P3H2: variants seen among roughly 807,000 people sequenced by gnomAD.
P3H2 encodes leprecan-like 1.
A neutral mutation model predicts 87.0 loss-of-function variants in P3H2; 80 were observed. The ratio of observed to expected loss-of-function variants is 0.92; its 90% CI spans 0.77 to 1.11. The LOEUF (loss-of-function observed/expected upper bound fraction) is 1.11, where lower values mean the gene tolerates loss of function less well. Ranked by LOEUF, P3H2 falls within the 50% of genes least tolerant of loss-of-function variation. The pLI, the probability that P3H2 is intolerant of heterozygous loss-of-function variation, is 0.00. For synonymous variants in P3H2, 367 were observed against 359.3 expected (o/e 1.02, Z -0.24); for missense variants, 1,001 against 923.9 (o/e 1.08, Z -1.08).
intron 14 of P3H2, among the ~76,000 whole-genome samples, chr3:189,961,861 C>T (rs1722825068): frequency 1.3e-5 from 2 of 152,098 alleles, no homozygotes; most frequent in African/African-American, 4.8e-5. Context: ...TTTGAGAGAA[C>T]AATACCTTGG....
intron 1 of P3H2, among the ~76,000 whole-genome samples, chr3:190,034,152 T>C (rs572279109): frequency 1.1e-4 from 17 of 152,328 alleles, no homozygotes; most frequent in African/African-American, 3.1e-4. Context: ...AAAATGTGCA[T>C]AGACCTCTTT....
chr3:190,051,097 T>G (rs982586298), intron 1 of P3H2, among the ~76,000 whole-genome samples: 1 of 152,194 alleles, frequency 6.6e-6, no homozygotes, highest in Non-Finnish European at 1.5e-5. Flanking sequence ...CATCAATAAC[T>G]GTATCATCAT....
chr3:190,025,070 T>G (rs1274998582), intron 1 of P3H2, among the ~76,000 whole-genome samples: 1 of 152,220 alleles, frequency 6.6e-6, no homozygotes. Flanking sequence ...TGCTGTCATA[T>G]TTAGCTCTTA....
chr3:190,109,305 G>C (rs66501918), intron 1 of P3H2, among the ~76,000 whole-genome samples: 18,853 of 151,696 alleles, frequency 0.12, 1,293 homozygotes, highest in Middle Eastern at 0.21. Context: ...CTTTCTTTCT[G>C]TCTCTAATAT....
At chr3:190,076,154 GAAA>G (rs5855302) in intron 1 of P3H2, among the ~76,000 whole-genome samples, 7 of 142,032 alleles carry the variant, frequency 4.9e-5, no homozygotes, top group African/African-American at 1.8e-4. Context: ...ATTAAGATAT[GAAA>G]AAAAAAAACC....
At chr3:189,960,510 G>T (rs1441946461) in intron 14 of P3H2, among the ~76,000 whole-genome samples, 3 of 152,150 alleles carry the variant, frequency 2.0e-5, no homozygotes, top group African/African-American at 7.2e-5. Context: ...TCTCCCTAAA[G>T]AAATTGATCT....
At chr3:190,066,158 T>TATATATATATATATATACACACACAC (rs1256956930) in intron 1 of P3H2, among the ~76,000 whole-genome samples, 4,043 of 133,152 alleles carry the variant, frequency 0.03, 108 homozygotes, top group Non-Finnish European at 0.048. Context: ...TATATATATA[T>TATATATATATATATATACACACACAC]ACACACACAC....
chr3:189,974,292 C>T, intron 9 of P3H2: 1 of 595,492 alleles, frequency 1.7e-6, no homozygotes, highest in South Asian at 2.1e-5. Context: ...ATTTCTCCAG[C>T]AACTTTATAT....
intron 13 of P3H2, among the ~76,000 whole-genome samples, chr3:189,964,637 A>G (rs534188731): frequency 2.0e-5 from 3 of 152,404 alleles, no homozygotes; most frequent in South Asian, 4.1e-4. Flanking sequence ...TTTAAAAGTC[A>G]TAATTCTGTA....
At chr3:190,047,892 T>C (rs756440977) in intron 1 of P3H2, among the ~76,000 whole-genome samples, 1 of 152,192 alleles carries the variant, frequency 6.6e-6, no homozygotes, top group Non-Finnish European at 1.5e-5. Context: ...CAGTTAACAA[T>C]AATTTATAAT....
intron 1 of P3H2, among the ~76,000 whole-genome samples, chr3:190,036,390 G>A (rs1725426346): frequency 1.3e-5 from 2 of 152,076 alleles, no homozygotes; most frequent in African/African-American, 2.4e-5. Context: ...AAGTCCAAGG[G>A]AGTGATCAAA....
In P3H2 at chr3:189,957,982, A is replaced by C; in HGVS notation, c.2057T>G (p.Val686Gly). 1.2e-6 allele frequency: 2 copies of C among 1,613,632 alleles called. No individual in the cohort carries two copies. The highest frequency in any genetic ancestry group is 2.2e-5 in the South Asian group (2 of 91,076). Reference protein sequence around the residue: ...RELERIQADEVIAILDQEQQG... With the variant: ...RELERIQADEGIAILDQEQQG... ...CTGTTCTTGATCCAGAATTGCAATCACTTCATCAGCCTGTATTCGCTCCTG... is the reference window on the plus strand; with the variant it reads ...CTGTTCTTGATCCAGAATTGCAATCCCTTCATCAGCCTGTATTCGCTCCTG... The change falls in exon 15 of 15, where the codon GTG becomes GGG. Residue 686 changes from valine (V) to glycine (G), a missense_variant. Coordinates refer to ENST00000319332, the MANE Select transcript of P3H2 (RefSeq NM_018192.4).
Position 189,957,859 on chromosome 3 carries a change from C to G in P3H2, c.*53G>C. 1 of 1,256,886 alleles carries G rather than the reference C, an allele frequency of 8.0e-7. No homozygotes were observed. The highest frequency in any genetic ancestry group is 1.2e-6 in the Non-Finnish European group (1 of 860,204). The allele number at this position is 1,256,886 out of a possible 1,614,324, so 77.9% of individuals were successfully genotyped here. On this transcript the variant is annotated 3_prime_UTR_variant, in exon 15 of 15. Coordinates refer to ENST00000319332, the MANE Select transcript of P3H2 (RefSeq NM_018192.4). ...GGCTCTGTACAAAAATAAAAAGGTT[C>G]TCATAAGATTAACAATTTAAATAAA...
intron 1 of P3H2, among the ~76,000 whole-genome samples, chr3:190,041,146 C>G (rs1725619381): frequency 7.2e-6 from 1 of 139,790 alleles, no homozygotes; most frequent in African/African-American, 2.6e-5. Flanking sequence ...GTGGTGCACA[C>G]CTGTAGCCCC....
At chr3:190,114,075 G>C (rs1336763184) in intron 1 of P3H2, among the ~76,000 whole-genome samples, 1 of 77,814 alleles carries the variant, frequency 1.3e-5, no homozygotes, top group Non-Finnish European at 2.3e-5. Flanking sequence ...GTGAGACTCC[G>C]TCTCAAAAAA....
chr3:190,092,947 C>T (rs1019124877), intron 1 of P3H2, among the ~76,000 whole-genome samples: 4 of 152,094 alleles, frequency 2.6e-5, no homozygotes, highest in African/African-American at 9.7e-5. Flanking sequence ...AAAAATGATA[C>T]AAACACCTAT....
chr3:189,965,857 G>A (rs1379018214), intron 13 of P3H2, among the ~76,000 whole-genome samples: 3 of 151,586 alleles, frequency 2.0e-5, no homozygotes, highest in Non-Finnish European at 4.4e-5. Context: ...GTGTTGGTGG[G>A]TGCCTGTGAT....
chr3:189,994,663 TG>T (rs113101739), intron 2 of P3H2, among the ~76,000 whole-genome samples: 1,667 of 68,148 alleles, frequency 0.024, 31 homozygotes, highest in African/African-American at 0.06. Flanking sequence ...CTGTGTTTTT[TG>T]TTTTTTTTTT....
At chr3:190,006,146 CTACT>C (rs1402301183) in intron 1 of P3H2, among the ~76,000 whole-genome samples, 1 of 152,166 alleles carries the variant, frequency 6.6e-6, no homozygotes, top group African/African-American at 2.4e-5. Context: ...TGGGAGAGAT[CTACT>C]TACTGACTAA....
Sources: allele counts gnomAD v4.1 joint callset (sites outside exome capture counted in the v4.1 genomes callset), GRCh38; gene constraint gnomAD v4.1.1; transcripts MANE v1.5; gene names NCBI Gene and HGNC (gene_info 2026-07-23, HGNC 2026-07-21).